The following ANKRD33 variants were observed in gnomAD, a reference collection of about 807,000 sequenced individuals.
ANKRD33 encodes photoreceptor ankyrin repeat protein.
In ANKRD33, 20 loss-of-function variants were observed where a neutral mutation model predicts 20.6. The ratio of observed to expected loss-of-function variants is 0.97; its 90% CI spans 0.68 to 1.41. The LOEUF (loss-of-function observed/expected upper bound fraction) is 1.41. Among genes scored for constraint, ANKRD33 ranks in the 40% most tolerant of loss-of-function variants. The pLI, the probability that ANKRD33 is intolerant of heterozygous loss-of-function variation, is 0.00. For missense variants in ANKRD33, 545 were observed against 579.6 expected (o/e 0.94, Z 0.61); for synonymous variants, 246 against 245.0 (o/e 1.00, Z -0.04).
intron 3 of ANKRD33, 81 bp from the exon 4 acceptor site, chr12:51,889,291 C>T (rs1940329306): frequency 6.2e-7 from 1 of 1,607,338 alleles, no homozygotes; most frequent in Admixed American, 1.7e-5. Flanking sequence ...ACACCAGACT[C>T]TGTCATGCTG....
chr12:51,889,556 T>C, intron 4 of ANKRD33, 74 bp downstream of exon 4: 1 of 1,552,616 alleles, frequency 6.4e-7, no homozygotes, highest in Non-Finnish European at 8.7e-7. Context: ...CAGTCCCTCC[T>C]CCAAGCCTTC....
Position 51,890,936 on chromosome 12 carries a change from C to T in ANKRD33, c.990C>T (p.Asp330=), listed in dbSNP as rs776549441. The T allele has an allele frequency of 1.9e-6, 3 of 1,613,666 alleles. No homozygotes were observed. The highest frequency in any genetic ancestry group is 2.5e-6 in the Non-Finnish European group (3 of 1,180,024). The change falls in exon 5 of 5, where the codon GAC becomes GAT. Residue 330 remains aspartate (D), a synonymous_variant. Coordinates refer to ENST00000301190, the MANE Select transcript of ANKRD33 (RefSeq NM_182608.4). ...VTTACHTLCP[D]HPPSLGTRSK... The stretch of plus-strand genomic sequence containing the variant: ...CTGCCTGCCACACTCTGTGCCCTGA[C>T]CATCCACCTTCGCTGGGCACCCGAA...
At chr12:51,889,955 G>A (rs762387256) in intron 4 of ANKRD33, 7 of 220,598 alleles carry the variant, frequency 3.2e-5, no homozygotes, top group South Asian at 7.4e-5. Context: ...CTGTGGGGTC[G>A]TTCAGGGGGA....
Position 51,890,296 on chromosome 12 carries a change from C to G in ANKRD33, c.638-288C>G, listed in dbSNP as rs1055618140. ...CAGGCCTCTGCCTGTCCTGGGCAGC[C>G]TGCACCGCTGCTCTGCTCAGCTCCT... On this transcript the variant is annotated intron_variant, in intron 4 of 4. Transcript: ENST00000301190. 15 of 648,438 alleles carry G rather than the reference C, an allele frequency of 2.3e-5. No individual in the cohort carries two copies. The South Asian group carries it at 2.4e-4, about 10-fold the overall frequency. The allele number at this position is 648,438 out of a possible 1,614,324, so 40.2% of individuals were successfully genotyped here. A position where few individuals can be genotyped will look rare whatever the true frequency, so the allele number is the denominator to read the frequency against.
At position 51,890,755 on chromosome 12, in the gene ANKRD33, TGGCCCAGGCCCA is replaced by T. The variant is rs528277578; in HGVS notation, c.824_835del (p.Ala275_Gln278del). 315 of 1,604,784 alleles carry T rather than the reference TGGCCCAGGCCCA, an allele frequency of 2.0e-4. 1 individual carries two copies. Among genetic ancestry groups the T allele is most frequent in the South Asian group, 4.4e-5 (4 of 91,014 alleles). On this transcript the variant is annotated inframe_deletion, in exon 5 of 5. Transcript: ENST00000301190. ...GAGTGGCCGGCCTTGTCCGGGCTCG[TGGCCCAGGCCCA>T]GGCCCAGGCCCAGGTTGCCCCTTCA...
In ANKRD33 at chr12:51,889,112, G is replaced by A; in HGVS notation, c.442G>A (p.Ala148Thr). 1.2e-6 allele frequency: 2 copies of A among 1,614,192 alleles called. No individual in the cohort carries two copies. Among genetic ancestry groups the A allele is most frequent in the Non-Finnish European group, 1.7e-6 (2 of 1,180,018 alleles). Residue 148 changes from alanine (A) to threonine (T), a missense_variant, in exon 3 of 5, where the codon GCC (alanine) becomes ACC (threonine). Transcript: ENST00000301190. ...CTACCACGGCTTCCAGAGTGTTGTG[G>A]CCCTGCTCAGCCACTGTCCTTTCCT... ...ACYHGFQSVV[A>T]LLSHCPFLDV... is the part of the protein sequence containing the mutation.
In ANKRD33 at chr12:51,891,048, T is replaced by A; in HGVS notation, c.1102T>A (p.Trp368Arg). ...GCCAGGGAGTCCCCAGAGGTCCCCG[T>A]GGGTCTTCGTCCCCTACCAGAGCCC... is the stretch of plus-strand genomic sequence containing the variant. ...SPPGSPQRSP[W>R]VFVPYQSPQG... Residue 368 changes from tryptophan to arginine, a missense_variant, in exon 5 of 5, where the codon TGG becomes AGG. Transcript: ENST00000301190. The A allele has an allele frequency of 6.2e-7, 1 of 1,613,880 alleles. No individual in the cohort carries two copies. Among genetic ancestry groups the A allele is most frequent in the Non-Finnish European group, 8.5e-7 (1 of 1,179,990 alleles).
At chr12:51,890,250 C>T (rs1458677103) in intron 4 of ANKRD33, 2 of 464,990 alleles carry the variant, frequency 4.3e-6, no homozygotes, top group East Asian at 4.3e-5. Flanking sequence ...TCCCCACCCA[C>T]CTGCCCCAGA....
Position 51,890,999 on chromosome 12 carries a change from C to G in ANKRD33, c.1053C>G (p.Pro351=). 1 of 1,613,632 alleles carries G rather than the reference C, an allele frequency of 6.2e-7. No homozygotes were observed. Among genetic ancestry groups the G allele is most frequent in the East Asian group, 2.2e-5 (1 of 44,878 alleles). Residue 351 remains proline, a synonymous_variant, in exon 5 of 5, where the codon CCC becomes CCG. Coordinates refer to ENST00000301190, the MANE Select transcript of ANKRD33 (RefSeq NM_182608.4). The part of the protein sequence containing the change: ...SVPELLGTAP[P]PPLVPQSPPG... ...CAGAGCTGTTAGGTACTGCCCCGCC[C>G]CCTCCCCTGGTTCCCCAGTCCCCGC... is the stretch of plus-strand genomic sequence containing the variant.
At chr12:51,890,443 C>A in intron 4 of ANKRD33, 141 bp from the exon 5 acceptor site, 2 of 1,531,614 alleles carry the variant, frequency 1.3e-6, no homozygotes, top group Non-Finnish European at 1.7e-6. Context: ...GCAACACTGG[C>A]CTCCCTGATT....
At position 51,890,386 on chromosome 12, in the gene ANKRD33, T is replaced by TC. The variant is rs1330942562; in HGVS notation, c.638-194dup. On this transcript the variant is annotated intron_variant, in intron 4 of 4. Coordinates refer to ENST00000301190, the MANE Select transcript of ANKRD33 (RefSeq NM_182608.4). ...CACAATAGGTCTCTCTGAAGTCTTTTCCCCTCTCTGGACCTAAGTGTCTTA... is the reference window on the plus strand; with the variant it reads ...CACAATAGGTCTCTCTGAAGTCTTTTCCCCCTCTCTGGACCTAAGTGTCTTA... The TC allele has an allele frequency of 4.4e-6, 6 of 1,367,788 alleles. No individual in the cohort carries two copies. The African/African-American group carries it at 5.7e-5, about 13-fold the overall frequency. The allele number at this position is 1,367,788 out of a possible 1,614,324, so 84.7% of individuals were successfully genotyped here.
chr12:51,891,257 G>C lies in ANKRD33; in HGVS notation c.1311G>C (p.Arg437Ser), dbSNP rs1322043655. The C allele has an allele frequency of 6.2e-7, 1 of 1,614,242 alleles. No homozygotes were observed. The highest frequency in any genetic ancestry group is 1.7e-5 in the Admixed American group (1 of 60,028). Residue 437 changes from arginine (R) to serine (S), a missense_variant, in exon 5 of 5, where the codon AGG becomes AGC. Arg to Ser is a moderately radical substitution (Grantham distance 110, BLOSUM62 -1). Coordinates refer to ENST00000301190, the MANE Select transcript of ANKRD33 (RefSeq NM_182608.4). ...ALPLWRYQEL[R>S]IEKRKQEEEA... ...CTCTCTGGCGATACCAGGAGCTCAG[G>C]ATAGAGAAGAGGAAACAGGAGGAGG... is the stretch of plus-strand genomic sequence containing the variant.
Position 51,891,224 on chromosome 12 carries a change from G to T in ANKRD33, c.1278G>T (p.Leu426=). 1 of 1,614,240 alleles carries T rather than the reference G, an allele frequency of 6.2e-7. No homozygotes were observed. The highest frequency in any genetic ancestry group is 8.5e-7 in the Non-Finnish European group (1 of 1,180,046). The change falls in exon 5 of 5, where the codon CTG becomes CTT. Residue 426 remains leucine (L), a synonymous_variant. Transcript: ENST00000301190. ...PKPSPSGHQS[L]ALPLWRYQEL... is the part of the protein sequence containing the mutation. ...CCAGTCCTTCAGGACACCAAAGTCTGGCCCTTCCTCTCTGGCGATACCAGG... is the reference window on the plus strand; with the variant it reads ...CCAGTCCTTCAGGACACCAAAGTCTTGCCCTTCCTCTCTGGCGATACCAGG...
At position 51,890,679 on chromosome 12, in the gene ANKRD33, C is replaced by T. The variant is rs762873633; in HGVS notation, c.733C>T (p.Gln245Ter). 2.1e-5 allele frequency: 34 copies of T among 1,605,398 alleles called. No individual in the cohort carries two copies. Among genetic ancestry groups the T allele is most frequent in the African/African-American group, 1.3e-5 (1 of 74,934 alleles). The change falls in exon 5 of 5, where the codon CAG becomes TAG. Residue 245 changes from glutamine (Q) to a stop codon, truncating the protein, a stop_gained. Coordinates refer to ENST00000301190, the MANE Select transcript of ANKRD33 (RefSeq NM_182608.4). LOFTEE classifies it low-confidence loss of function (END_TRUNC). ...CTTCGACACCGTGTGGAGGATTCGG[C>T]AGCTGCTGAGGCGGCCCCAAGTGGA... ...DSFDTVWRIRQLLRRPQVEQL... is the reference protein window; with the variant it reads ...DSFDTVWRIR
intron 4 of ANKRD33, chr12:51,890,127 A>C: frequency 3.6e-6 from 1 of 279,380 alleles, no homozygotes; most frequent in Non-Finnish European, 7.1e-6. Flanking sequence ...ATGAAAAAGG[A>C]GGGCGCTCTA....
At chr12:51,889,261 C>T in intron 3 of ANKRD33, 65 bp downstream of exon 3, 1 of 1,612,080 alleles carries the variant, frequency 6.2e-7, no homozygotes, top group Non-Finnish European at 8.5e-7. Flanking sequence ...CTCAGCCCCA[C>T]CCTTGTTGCA....
intron 4 of ANKRD33, 103 bp from the exon 5 acceptor site, chr12:51,890,481 G>A: frequency 2.0e-6 from 3 of 1,536,334 alleles, no homozygotes; most frequent in Non-Finnish European, 2.6e-6. Context: ...GGACTCTATG[G>A]CTTCGAATGT....
intron 4 of ANKRD33, 167 bp downstream of exon 4, chr12:51,889,649 AG>A (rs535351666): frequency 1.3e-4 from 169 of 1,262,512 alleles, no homozygotes; most frequent in South Asian, 4.9e-4. Flanking sequence ...ACCTTCCTGG[AG>A]GGGGGGGCAC....
In ANKRD33 at chr12:51,889,479, C is replaced by A; in HGVS notation, c.634C>A (p.Arg212Ser). 1 of 1,613,880 alleles carries A rather than the reference C, an allele frequency of 6.2e-7. No individual in the cohort carries two copies. Among genetic ancestry groups the A allele is most frequent in the South Asian group, 1.1e-5 (1 of 91,048 alleles). The change falls in exon 4 of 5, where the codon CGC (arginine) becomes AGC (serine). Residue 212 changes from arginine to serine, a missense_variant. Physicochemically the swap from Arg to Ser is moderately radical, Grantham distance 110. Transcript: ENST00000301190. ...TALMKAAMRN[R>S]CADLTAVDPV... ...GTTAATGAAGGCTGCCATGCGGAAC[C>A]GCTGTGAGTGCGTGGCCACCCTCCT... is the stretch of plus-strand genomic sequence containing the variant.
Sources: gnomAD v4.1 joint callset for allele counts on GRCh38, gnomAD v4.1.1 for gene constraint, MANE v1.5 for transcripts, NCBI Gene and HGNC (gene_info 2026-07-23, HGNC 2026-07-21) for gene names.